Variants in FAF1 observed in about 807,000 individuals in gnomAD.
The protein encoded by FAF1 is FAS-associated factor 1.
A neutral mutation model predicts 92.5 loss-of-function variants in FAF1; 25 were observed. The observed-to-expected ratio is 0.27, with a 90% CI of 0.20 to 0.38. The LOEUF is 0.38. FAF1 is among the 10% of genes least tolerant of loss of function. The probability of loss-of-function intolerance (pLI) is 1.00; values close to 1 mark genes in which losing one functional copy is unlikely to be tolerated. For synonymous variants in FAF1, 234 were observed against 273.2 expected (o/e 0.86, Z 1.42); for missense variants, 636 against 793.3 (o/e 0.80, Z 2.38).
intron 15 of FAF1, among the ~76,000 whole-genome samples, chr1:50,492,672 C>T (rs2149010151): frequency 6.6e-6 from 1 of 152,228 alleles, no homozygotes; most frequent in Middle Eastern, 3.4e-3. Flanking sequence ...CATATAAAGC[C>T]ACCAATATTT....
intron 12 of FAF1, among the ~76,000 whole-genome samples, chr1:50,578,223 T>C (rs940486338): frequency 3.3e-5 from 5 of 152,172 alleles, no homozygotes; most frequent in Admixed American, 2.6e-4. Flanking sequence ...ATGCTGGTGT[T>C]TGAGGCTCAT....
intron 1 of FAF1, among the ~76,000 whole-genome samples, chr1:50,884,715 G>T (rs534920826): frequency 1.3e-5 from 2 of 151,678 alleles, no homozygotes; most frequent in South Asian, 2.1e-4. Flanking sequence ...CTGAACTGTA[G>T]TTTTTTTTGG....
chr1:50,919,654 A>AT (rs1644947547), intron 1 of FAF1, among the ~76,000 whole-genome samples: 2 of 151,828 alleles, frequency 1.3e-5, no homozygotes, highest in South Asian at 4.2e-4. Context: ...CGTCTGGCTA[A>AT]TTTTTTTTAT....
chr1:50,690,647 T>G (rs993801556), intron 7 of FAF1, among the ~76,000 whole-genome samples: 3 of 151,994 alleles, frequency 2.0e-5, no homozygotes, highest in Admixed American at 6.6e-5. Flanking sequence ...AAGAAAATAA[T>G]TATTTGAAGA....
At chr1:50,665,615 T>C (rs1316789546) in intron 7 of FAF1, among the ~76,000 whole-genome samples, 1 of 152,212 alleles carries the variant, frequency 6.6e-6, no homozygotes, top group Admixed American at 6.5e-5. Flanking sequence ...TTTGTTTACA[T>C]ATTTTCTCTG....
intron 15 of FAF1, among the ~76,000 whole-genome samples, chr1:50,527,700 G>C (rs898173927): frequency 2.0e-5 from 3 of 152,010 alleles, no homozygotes; most frequent in African/African-American, 7.2e-5. Flanking sequence ...TATCTCTCTA[G>C]TAGTGTTCAC....
chr1:50,882,078 TA>T (rs1644616813), intron 1 of FAF1, among the ~76,000 whole-genome samples: 1 of 152,166 alleles, frequency 6.6e-6, no homozygotes, highest in Non-Finnish European at 1.5e-5. Context: ...GTCATTACTC[TA>T]AACAAAGATT....
chr1:50,513,307 C>T (rs1647161156), intron 15 of FAF1, among the ~76,000 whole-genome samples: 1 of 152,162 alleles, frequency 6.6e-6, no homozygotes, highest in Non-Finnish European at 1.5e-5. Context: ...TGGAGAAACC[C>T]TGTCTCTACC....
At chr1:50,950,153 T>C (rs1254203425) in intron 1 of FAF1, among the ~76,000 whole-genome samples, 1 of 152,150 alleles carries the variant, frequency 6.6e-6, no homozygotes, top group Non-Finnish European at 1.5e-5. Context: ...ATCACCATTT[T>C]ATAGACTGAA....
At chr1:50,521,789 T>C (rs1345507667) in intron 15 of FAF1, among the ~76,000 whole-genome samples, 1 of 152,228 alleles carries the variant, frequency 6.6e-6, no homozygotes, top group Non-Finnish European at 1.5e-5. Context: ...TGTCATTACA[T>C]GGCAACTCCA....
At chr1:50,703,563 T>C (rs1341782884) in intron 7 of FAF1, among the ~76,000 whole-genome samples, 1 of 152,158 alleles carries the variant, frequency 6.6e-6, no homozygotes, top group Non-Finnish European at 1.5e-5. Flanking sequence ...AAACTAGCAT[T>C]TAAAAATATT....
intron 1 of FAF1, among the ~76,000 whole-genome samples, chr1:50,948,471 G>C (rs1282185267): frequency 1.3e-5 from 2 of 152,102 alleles, no homozygotes; most frequent in African/African-American, 2.4e-5. Context: ...TGGCAAGAGA[G>C]GGAGCCAGAC....
At chr1:50,794,561 A>G (rs1413714837) in intron 3 of FAF1, among the ~76,000 whole-genome samples, 2 of 152,240 alleles carry the variant, frequency 1.3e-5, no homozygotes, top group Non-Finnish European at 1.5e-5. Context: ...GTGACAAGAA[A>G]GTCTAGAGAA....
rs546866515 is a variant in FAF1, at chr1:50,457,718, T to C, written c.1870-16195A>G. ...GCCTGGGCAATTCGGTGAAACCCCA[T>C]CTCTGCAAAAAAAAAAAAAAAAAAA... On this transcript the variant is annotated intron_variant, in intron 18 of 18. Transcript: ENST00000396153. Among the ~76,000 whole-genome samples the C allele has an allele frequency of 2.4e-3, 169 of 69,780 alleles. 1 individual carries two copies. The highest frequency in any genetic ancestry group is 0.011 in the African/African-American group (166 of 15,326). The allele number at this position is 69,780 out of a possible 152,430, so 45.8% of individuals were successfully genotyped here. A position where few individuals can be genotyped will look rare whatever the true frequency, so the allele number is the denominator to read the frequency against.
intron 7 of FAF1, among the ~76,000 whole-genome samples, chr1:50,680,790 T>C (rs1035364891): frequency 1.3e-5 from 2 of 152,116 alleles, no homozygotes; most frequent in Non-Finnish European, 2.9e-5. Flanking sequence ...GTAGCCCCCA[T>C]AACATCAACT....
rs543124488 is a variant in FAF1 at position 50,830,049 on chromosome 1, C to A, written c.114+27880G>T. On this transcript the variant is annotated intron_variant, in intron 2 of 18. Transcript: ENST00000396153. ...TACATCAGAGACATCTAGATTAACA[C>A]AGTATGTCTAACTCTCTCTTCATGA... Among the ~76,000 whole-genome samples, 15 of 152,300 alleles carry A rather than the reference C, an allele frequency of 9.8e-5. No homozygotes were observed. The East Asian group carries it at 2.9e-3, about 29-fold the overall frequency.
At chr1:50,822,160 A>G (rs1644049249) in intron 2 of FAF1, among the ~76,000 whole-genome samples, 2 of 152,108 alleles carry the variant, frequency 1.3e-5, no homozygotes, top group South Asian at 4.2e-4. Flanking sequence ...GAAAAAAAGA[A>G]ACCAGAATGC....
intron 2 of FAF1, among the ~76,000 whole-genome samples, chr1:50,838,572 A>C (rs183396895): frequency 6.7e-6 from 1 of 148,180 alleles, no homozygotes; most frequent in Non-Finnish European, 1.5e-5. Context: ...TATATATTTT[A>C]TATAATTATA....
In FAF1 at chr1:50,502,946, T is replaced by A. The variant is rs1367717504; in HGVS notation, c.1495-11145A>T. On this transcript the variant is annotated intron_variant, in intron 15 of 18. Transcript: ENST00000396153. ...GTGATTTTTTTTTCCTGCCTCAGCCTCTGAGGAGCTTGGATTACAGGTGTG... is the reference window on the plus strand; with the variant it reads ...GTGATTTTTTTTTCCTGCCTCAGCCACTGAGGAGCTTGGATTACAGGTGTG... Among the ~76,000 whole-genome samples the A allele has an allele frequency of 1.1e-4, 16 of 152,094 alleles. No individual in the cohort carries two copies. In the South Asian group the frequency reaches 1.9e-3, roughly 18 times the overall value.
Sources: allele counts gnomAD v4.1 joint callset (sites outside exome capture counted in the v4.1 genomes callset), GRCh38; gene constraint gnomAD v4.1.1; transcripts MANE v1.5; gene names NCBI Gene and HGNC (gene_info 2026-07-23, HGNC 2026-07-21).